The following MAF variants were observed in gnomAD, a reference collection of about 807,000 sequenced individuals.
MAF encodes MAF bZIP transcription factor.
A neutral mutation model predicts 22.0 loss-of-function variants in MAF; 10 were observed. That is an observed-to-expected ratio of 0.45 (90% CI 0.28 to 0.77). The LOEUF is 0.77. Ranked by LOEUF, MAF falls within the 30% of genes least tolerant of loss-of-function variation. The pLI is 0.12. For synonymous variants in MAF, 337 were observed against 255.8 expected (o/e 1.32, Z -3.03); for missense variants, 544 against 548.4 (o/e 0.99, Z 0.08).
At chr16:79,485,681 C>A in the MAF span, among the ~76,000 whole-genome samples, 2 of 151,986 alleles carry the variant, frequency 1.3e-5, no homozygotes, top group Admixed American at 6.6e-5. Context: ...TTAAAAGCAC[C>A]ACTATTACAC....
At chr16:79,227,689 A>T in the MAF span, among the ~76,000 whole-genome samples, 2 of 149,786 alleles carry the variant, frequency 1.3e-5, no homozygotes, top group African/African-American at 4.9e-5. Context: ...TGAAGTATTG[A>T]TTTTTTTTTT....
chr16:79,270,635 C>G, the MAF span, among the ~76,000 whole-genome samples: 1 of 152,208 alleles, frequency 6.6e-6, no homozygotes, highest in Non-Finnish European at 1.5e-5. Context: ...CAGTGACTTT[C>G]TGGCACAACC....
chr16:79,589,158 C>T (rs528983797), downstream of MAF, among the ~76,000 whole-genome samples: 1 of 151,994 alleles, frequency 6.6e-6, no homozygotes, highest in African/African-American at 2.4e-5. Flanking sequence ...AACCGAGGGT[C>T]CCTCTAAGAA....
the MAF span, chr16:79,212,164 CG>C: frequency 6.7e-7 from 1 of 1,494,462 alleles, no homozygotes; most frequent in African/African-American, 1.4e-5. Context: ...GCTACCACCA[CG>C]GCCACCACTG....
the MAF span, among the ~76,000 whole-genome samples, chr16:79,209,214 T>G: frequency 6.6e-6 from 1 of 152,218 alleles, no homozygotes. Flanking sequence ...AAGCCAGTTG[T>G]AATTGCCTTT....
At chr16:79,289,329 G>A in the MAF span, among the ~76,000 whole-genome samples, 2 of 152,058 alleles carry the variant, frequency 1.3e-5, no homozygotes, top group East Asian at 1.9e-4. Context: ...AGGAGATGGG[G>A]GAAATCATTA....
At chr16:79,362,442 A>C in the MAF span, among the ~76,000 whole-genome samples, 1 of 152,160 alleles carries the variant, frequency 6.6e-6, no homozygotes, top group African/African-American at 2.4e-5. Context: ...GAGAAGGTTA[A>C]ATTGAGATCC....
the MAF span, among the ~76,000 whole-genome samples, chr16:79,472,411 T>C: frequency 6.6e-6 from 1 of 152,214 alleles, no homozygotes. Flanking sequence ...AGATATGTTC[T>C]ATCCATACAA....
chr16:79,552,904 C>T, the MAF span, among the ~76,000 whole-genome samples: 1 of 152,208 alleles, frequency 6.6e-6, no homozygotes, highest in Non-Finnish European at 1.5e-5. Context: ...CTACCAGACA[C>T]CATTTTGCCA....
chr16:79,520,010 A>G, the MAF span, among the ~76,000 whole-genome samples: 2 of 152,186 alleles, frequency 1.3e-5, no homozygotes, highest in East Asian at 1.9e-4. Context: ...GGGATGCTGG[A>G]ACTGCATTGA....
chr16:79,481,520 T>C, the MAF span, among the ~76,000 whole-genome samples: 7 of 152,006 alleles, frequency 4.6e-5, no homozygotes, highest in South Asian at 2.1e-4. Context: ...AACAGTCCCA[T>C]CCATCCTCAA....
the MAF span, among the ~76,000 whole-genome samples, chr16:79,509,648 T>C: frequency 6.6e-6 from 1 of 152,214 alleles, no homozygotes; most frequent in Admixed American, 6.5e-5. Flanking sequence ...AGGCCTGCGT[T>C]ACCTTGGCCT....
chr16:79,577,997 T>G, the MAF span, among the ~76,000 whole-genome samples: 3 of 152,222 alleles, frequency 2.0e-5, no homozygotes, highest in African/African-American at 7.2e-5. Context: ...CATTCTGGTT[T>G]CAAATTTATG....
the MAF span, among the ~76,000 whole-genome samples, chr16:79,459,005 A>G: frequency 6.6e-6 from 1 of 152,214 alleles, no homozygotes; most frequent in Admixed American, 6.5e-5. Context: ...TCCTGGGAAG[A>G]AAATGAGTTG....
At chr16:79,279,429 G>C in the MAF span, among the ~76,000 whole-genome samples, 1 of 152,160 alleles carries the variant, frequency 6.6e-6, no homozygotes, top group Non-Finnish European at 1.5e-5. Context: ...GTTTCATTCT[G>C]TTCCATGAAC....
the MAF span, among the ~76,000 whole-genome samples, chr16:79,507,677 G>T: frequency 1.6e-4 from 24 of 152,110 alleles, no homozygotes; most frequent in East Asian, 4.5e-3. Context: ...CATCCGCCTC[G>T]GTCTCCCAAA....
the MAF span, among the ~76,000 whole-genome samples, chr16:79,284,434 G>A: frequency 6.6e-6 from 1 of 152,088 alleles, no homozygotes; most frequent in Non-Finnish European, 1.5e-5. Context: ...ACTATATGCT[G>A]GGCCTAAAGT....
At chr16:79,463,927 A>T in the MAF span, among the ~76,000 whole-genome samples, 1 of 151,824 alleles carries the variant, frequency 6.6e-6, no homozygotes, top group Admixed American at 6.6e-5. Context: ...TGCTTCTGTA[A>T]GAAGAGTGTT....
the MAF span, among the ~76,000 whole-genome samples, chr16:79,414,871 T>C: frequency 3.9e-5 from 6 of 152,340 alleles, no homozygotes; most frequent in African/African-American, 9.6e-5. Flanking sequence ...ACGACACTAG[T>C]TCATGTGTTG....
Sources: gnomAD v4.1 joint callset for allele counts (sites outside exome capture counted in the v4.1 genomes callset) on GRCh38, gnomAD v4.1.1 for gene constraint, MANE v1.5 for transcripts, NCBI Gene and HGNC (gene_info 2026-07-23, HGNC 2026-07-21) for gene names.